The following DPYD variants were observed in gnomAD, a reference collection of about 807,000 sequenced individuals.
DPYD encodes dihydropyrimidine dehydrogenase [NADP(+)].
Under a neutral mutation model 116.2 loss-of-function variants are expected in DPYD, and 109 were observed. That is an observed-to-expected ratio of 0.94 (90% confidence interval 0.80 to 1.10). The LOEUF is 1.10. DPYD is among the 50% of genes least tolerant of loss of function. The pLI is 0.00. For synonymous variants in DPYD, 440 were observed against 432.0 expected, an observed-to-expected ratio of 1.02 and a Z score of -0.23; for missense variants, 1,302 against 1,254.5, an observed-to-expected ratio of 1.04 and a Z score of -0.57.
chr1:97,605,919 A>G lies in DPYD; in HGVS notation c.851-10753T>C, dbSNP rs543970402. 1.8e-4 allele frequency among the ~76,000 whole-genome samples: 27 copies of G among 152,154 alleles called. No individual in the cohort carries two copies. The South Asian group carries it at 5.4e-3, about 30-fold the overall frequency. ...CACAATTATTATATAAAACACCATA[A>G]AAACAACTTTAACAACAATGAAAAC... On this transcript the variant is annotated intron_variant, in intron 8 of 22. Coordinates refer to ENST00000370192, the MANE Select transcript of DPYD (RefSeq NM_000110.4).
chr1:97,637,930 G>A lies in DPYD; in HGVS notation c.850+41165C>T, dbSNP rs72975752. Among the ~76,000 whole-genome samples the A allele has an allele frequency of 5.1e-3, 782 of 152,214 alleles. 5 individuals are homozygous for A. Among genetic ancestry groups the A allele is most frequent in the African/African-American group, 0.018 (742 of 41,562 alleles). ...GTTGACAAGGTCTCTTTTGCTTGAA[G>A]GGTGCGCTAAATGCAATACGTTGTG... On this transcript the variant is annotated intron_variant, in intron 8 of 22. Transcript: ENST00000370192.
chr1:97,508,817 T>C (rs1406173630), intron 13 of DPYD, among the ~76,000 whole-genome samples: 1 of 151,940 alleles, frequency 6.6e-6, no homozygotes, highest in African/African-American at 2.4e-5. Context: ...TACAACCTGA[T>C]CTGGTCTTGT....
At chr1:97,862,256 A>C (rs1671155655) in intron 2 of DPYD, among the ~76,000 whole-genome samples, 1 of 151,928 alleles carries the variant, frequency 6.6e-6, no homozygotes, top group Non-Finnish European at 1.5e-5. Context: ...CTTGATAGAA[A>C]CAAATTTATC....
At chr1:97,585,844 T>C (rs1264618290) in intron 10 of DPYD, 2 of 152,434 alleles carry the variant, frequency 1.3e-5, no homozygotes, top group East Asian at 3.8e-4. Flanking sequence ...CTTTCAATTA[T>C]TGCCAGGCAG....
At chr1:97,733,533 T>C (rs1040834203) in intron 4 of DPYD, among the ~76,000 whole-genome samples, 1 of 152,032 alleles carries the variant, frequency 6.6e-6, no homozygotes, top group Non-Finnish European at 1.5e-5. Context: ...GACCAATAAA[T>C]ATAAAATGCA....
intron 14 of DPYD, among the ~76,000 whole-genome samples, chr1:97,402,592 T>A (rs1283666482): frequency 6.6e-6 from 1 of 152,196 alleles, no homozygotes; most frequent in East Asian, 1.9e-4. Flanking sequence ...TGATAACTTG[T>A]ATACCCTGTT....
chr1:97,284,706 G>C (rs1360950860), intron 18 of DPYD, among the ~76,000 whole-genome samples: 3 of 151,640 alleles, frequency 2.0e-5, no homozygotes, highest in Non-Finnish European at 4.4e-5. Flanking sequence ...ATTCATTTTG[G>C]GTTGTCTCAT....
chr1:97,859,496 G>A (rs1671011277), intron 2 of DPYD, among the ~76,000 whole-genome samples: 1 of 152,134 alleles, frequency 6.6e-6, no homozygotes, highest in South Asian at 2.1e-4. Flanking sequence ...AACGCTAAGT[G>A]AAAATGCTAT....
intron 11 of DPYD, among the ~76,000 whole-genome samples, chr1:97,558,056 T>C (rs189503845): frequency 3.9e-5 from 6 of 152,254 alleles, no homozygotes; most frequent in Non-Finnish European, 5.9e-5. Flanking sequence ...AAATTCAGCA[T>C]TGGGGATCAT....
intron 22 of DPYD, 101 bp downstream of exon 22, chr1:97,082,229 C>T (rs1649205504): frequency 1.4e-6 from 2 of 1,431,768 alleles, no homozygotes; most frequent in Non-Finnish European, 2.0e-6. Context: ...ATATTTGGCA[C>T]CACTGGTTTA....
intron 14 of DPYD, among the ~76,000 whole-genome samples, chr1:97,419,278 G>A (rs1674449867): frequency 6.6e-6 from 1 of 152,062 alleles, no homozygotes; most frequent in South Asian, 2.1e-4. Context: ...TGCAATATAT[G>A]CCCTACTCTT....
At chr1:97,855,414 A>G (rs922881566) in intron 2 of DPYD, 2 of 152,206 alleles carry the variant, frequency 1.3e-5, no homozygotes, top group African/African-American at 4.8e-5. Flanking sequence ...TTAGAAGAAA[A>G]AACATATTTA....
chr1:97,596,731 T>G (rs58983298), intron 8 of DPYD, among the ~76,000 whole-genome samples: 1 of 152,232 alleles, frequency 6.6e-6, no homozygotes, highest in African/African-American at 2.4e-5. Context: ...AAGCTGAAGG[T>G]TTCTGTGGGT....
intron 2 of DPYD, among the ~76,000 whole-genome samples, chr1:97,838,326 T>C (rs1669869714): frequency 1.3e-5 from 2 of 152,154 alleles, no homozygotes; most frequent in South Asian, 2.1e-4. Flanking sequence ...TAAATCCAGA[T>C]ATAATAGCAA....
At chr1:97,597,530 C>A (rs564058433) in intron 8 of DPYD, among the ~76,000 whole-genome samples, 69 of 152,264 alleles carry the variant, frequency 4.5e-4, no homozygotes, top group African/African-American at 1.6e-3. Context: ...GGCTATAACA[C>A]CCGTTAGTCA....
At chr1:97,882,677 C>T (rs1382050005) in intron 2 of DPYD, among the ~76,000 whole-genome samples, 1 of 151,982 alleles carries the variant, frequency 6.6e-6, no homozygotes, top group Non-Finnish European at 1.5e-5. Context: ...GCTCTATAAT[C>T]ACCTCCTATA....
At chr1:97,507,874 T>C (rs1287308780) in intron 13 of DPYD, among the ~76,000 whole-genome samples, 1 of 151,824 alleles carries the variant, frequency 6.6e-6, no homozygotes, top group Non-Finnish European at 1.5e-5. Context: ...AACCTTATTA[T>C]GAAAAGAAAA....
intron 20 of DPYD, among the ~76,000 whole-genome samples, chr1:97,183,051 T>A (rs922770610): frequency 1.3e-5 from 2 of 152,018 alleles, no homozygotes; most frequent in African/African-American, 4.8e-5. Context: ...AATTCATCTA[T>A]TTTTTCTTGT....
intron 7 of DPYD, among the ~76,000 whole-genome samples, chr1:97,689,096 A>G (rs1660881422): frequency 6.6e-6 from 1 of 151,312 alleles, no homozygotes; most frequent in Non-Finnish European, 1.5e-5. Flanking sequence ...CTAGATATTG[A>G]AATTGTGGAA....
Sources: allele counts gnomAD v4.1 joint callset (sites outside exome capture counted in the v4.1 genomes callset), GRCh38; gene constraint gnomAD v4.1.1; transcripts MANE v1.5; gene names NCBI Gene and HGNC (gene_info 2026-07-23, HGNC 2026-07-21).